Variants in VMP1 observed in about 807,000 individuals in gnomAD.
VMP1 encodes vacuole membrane protein 1, also known as ectopic P-granules autophagy protein 3 homolog.
In VMP1, 11 loss-of-function variants were observed where a neutral mutation model predicts 56.0. The ratio of observed to expected loss-of-function variants is 0.20; its 90% CI spans 0.12 to 0.32. VMP1 has a LOEUF of 0.32. Among genes scored for constraint, VMP1 ranks in the 10% least tolerant of loss-of-function variants. The pLI is 1.00. For synonymous variants in VMP1, 149 were observed against 165.0 expected, an observed-to-expected ratio of 0.90 and a Z score of 0.74; for missense variants, 296 against 490.3, an observed-to-expected ratio of 0.60 and a Z score of 3.74.
At chr17:59,794,408 C>T (rs549961892) in intron 7 of VMP1, among the ~76,000 whole-genome samples, 4 of 149,958 alleles carry the variant, frequency 2.7e-5, no homozygotes, top group South Asian at 2.1e-4. Flanking sequence ...TTAGTAGAGA[C>T]GGGGTTTCAC....
chr17:59,737,601 A>C, intron 4 of VMP1, 58 bp downstream of exon 4: 1 of 1,444,660 alleles, frequency 6.9e-7, no homozygotes, highest in Non-Finnish European at 9.5e-7. Context: ...CTCTAATCTC[A>C]GTTTCAAATG....
At chr17:59,745,338 A>T (rs2035384959) in intron 5 of VMP1, among the ~76,000 whole-genome samples, 1 of 152,240 alleles carries the variant, frequency 6.6e-6, no homozygotes, top group South Asian at 2.1e-4. Context: ...GAGCCAAGCT[A>T]GTCAATAACC....
intron 5 of VMP1, among the ~76,000 whole-genome samples, chr17:59,759,297 C>G (rs887590739): frequency 1.3e-5 from 2 of 151,870 alleles, no homozygotes; most frequent in Admixed American, 1.3e-4. Flanking sequence ...TTGCTTGAAC[C>G]CCAGAGGCGA....
chr17:59,732,371 T>C (rs1162344416), intron 2 of VMP1, among the ~76,000 whole-genome samples: 1 of 152,120 alleles, frequency 6.6e-6, no homozygotes, highest in African/African-American at 2.4e-5. Flanking sequence ...GCCTCCCGAG[T>C]AGCTGGAATT....
chr17:59,708,521 C>G (rs1260097108), intron 1 of VMP1, among the ~76,000 whole-genome samples: 1 of 152,166 alleles, frequency 6.6e-6, no homozygotes, highest in Non-Finnish European at 1.5e-5. Context: ...ATGTAAAAAT[C>G]TAATAATACA....
chr17:59,740,912 A>G (rs1264198279), intron 5 of VMP1, among the ~76,000 whole-genome samples: 1 of 152,216 alleles, frequency 6.6e-6, no homozygotes, highest in Non-Finnish European at 1.5e-5. Flanking sequence ...CTGAATGTCA[A>G]AAGAGATTGA....
chr17:59,724,882 C>T (rs1382884585), intron 1 of VMP1, among the ~76,000 whole-genome samples: 2 of 151,728 alleles, frequency 1.3e-5, no homozygotes, highest in Non-Finnish European at 2.9e-5. Context: ...AGGAGAATGG[C>T]ATGAACCCGG....
At chr17:59,738,990 A>G (rs769051583) in intron 5 of VMP1, 43 bp downstream of exon 5, 6 of 1,447,830 alleles carry the variant, frequency 4.1e-6, no homozygotes, top group South Asian at 2.5e-5. Flanking sequence ...GATATTTCCT[A>G]TCTTTTTATT....
chr17:59,805,208 G>A (rs544624818), intron 7 of VMP1, among the ~76,000 whole-genome samples: 10 of 152,268 alleles, frequency 6.6e-5, no homozygotes, highest in Admixed American at 1.3e-4. Flanking sequence ...CTCCCTTAAG[G>A]ATAACTAATG....
intron 5 of VMP1, among the ~76,000 whole-genome samples, chr17:59,742,766 G>A (rs761038824): frequency 6.6e-5 from 10 of 152,134 alleles, no homozygotes; most frequent in Admixed American, 5.2e-4. Context: ...CCCATCACTC[G>A]AATTACTGCC....
At chr17:59,769,971 C>T (rs956486864) in intron 6 of VMP1, among the ~76,000 whole-genome samples, 1 of 152,062 alleles carries the variant, frequency 6.6e-6, no homozygotes, top group Admixed American at 6.6e-5. Flanking sequence ...TTTTGGGACA[C>T]CTGCCTGGAT....
intron 5 of VMP1, among the ~76,000 whole-genome samples, chr17:59,756,685 C>T (rs565061678): frequency 2.8e-4 from 42 of 152,246 alleles, no homozygotes; most frequent in African/African-American, 9.6e-4. Flanking sequence ...AATACTCATA[C>T]ACACACAACA....
intron 2 of VMP1, among the ~76,000 whole-genome samples, chr17:59,733,721 A>G (rs547436864): frequency 6.6e-6 from 1 of 152,260 alleles, no homozygotes; most frequent in East Asian, 1.9e-4. Context: ...AACAAAAACA[A>G]AAGCATTTTG....
At chr17:59,807,846 A>AG (rs1339990316) in intron 7 of VMP1, among the ~76,000 whole-genome samples, 4 of 151,678 alleles carry the variant, frequency 2.6e-5, no homozygotes, top group African/African-American at 9.7e-5. Context: ...AAAAAAAAAA[A>AG]AAAAAGAAAG....
Position 59,773,693 on chromosome 17 carries a change from T to C in VMP1, c.583-61T>C, listed in dbSNP as rs374404783. On this transcript the variant is annotated intron_variant, in intron 6 of 11. Coordinates refer to ENST00000262291, the MANE Select transcript of VMP1 (RefSeq NM_030938.5). ...GTGATATAGAAGAGTATGGGTTTGA[T>C]CTATTAAGTGTCACTGTTGATAACA... is the stretch of plus-strand genomic sequence containing the variant. 46 of 1,480,980 alleles carry C rather than the reference T, an allele frequency of 3.1e-5. No homozygotes were observed. In the Middle Eastern group the frequency reaches 9.1e-4, roughly 29 times the overall value. 91.7% of individuals were successfully genotyped at this position (1,480,980 alleles called of 1,614,324 possible). A position where few individuals can be genotyped will look rare whatever the true frequency, so the allele number is the denominator to read the frequency against.
intron 7 of VMP1, among the ~76,000 whole-genome samples, chr17:59,791,281 C>T (rs1405545924): frequency 6.6e-6 from 1 of 151,588 alleles, no homozygotes; most frequent in Non-Finnish European, 1.5e-5. Flanking sequence ...CTCCACCTCC[C>T]AGGTTCAAAC....
intron 7 of VMP1, among the ~76,000 whole-genome samples, chr17:59,784,100 AGTGTGTGTGTGTGTGT>A (rs536985526): frequency 8.7e-4 from 121 of 139,186 alleles, no homozygotes; most frequent in African/African-American, 3.0e-3. Context: ...CATCAAAAAG[AGTGTGTGTGTGTGTGT>A]GTGTGTGTGT....
intron 1 of VMP1, among the ~76,000 whole-genome samples, chr17:59,711,183 T>G (rs1003385266): frequency 6.6e-6 from 1 of 152,126 alleles, no homozygotes; most frequent in African/African-American, 2.4e-5. Flanking sequence ...TATTTTGTTA[T>G]GTTAATTATC....
intron 1 of VMP1, among the ~76,000 whole-genome samples, chr17:59,718,453 C>T (rs572624831): frequency 5.1e-4 from 78 of 151,996 alleles, no homozygotes; most frequent in African/African-American, 1.8e-3. Context: ...GCCTCGGCCT[C>T]CCAAAGTGCT....
Sources: allele counts gnomAD v4.1 joint callset (sites outside exome capture counted in the v4.1 genomes callset), GRCh38; gene constraint gnomAD v4.1.1; transcripts MANE v1.5; gene names NCBI Gene and HGNC (gene_info 2026-07-23, HGNC 2026-07-21).